The following NOMO2 variants were observed in gnomAD, a reference collection of about 807,000 sequenced individuals.
The protein encoded by NOMO2 is NODAL modulator 2, also known as BOS complex subunit NOMO2.
In NOMO2, 14 loss-of-function variants were observed where a neutral mutation model predicts 67.1. The observed-to-expected ratio is 0.21, with a 90% CI of 0.14 to 0.33. The LOEUF (loss-of-function observed/expected upper bound fraction) is 0.33, where lower values mean the gene tolerates loss of function less well. Ranked by LOEUF, NOMO2 falls within the 10% of genes least tolerant of loss-of-function variation. The probability of loss-of-function intolerance (pLI) is 1.00; values close to 1 mark genes in which losing one functional copy is unlikely to be tolerated. For synonymous variants in NOMO2, 80 were observed against 305.9 expected (o/e 0.26, Z 7.71); for missense variants, 178 against 761.0 (o/e 0.23, Z 9.01).
chr16:18,561,173 T>TAAAAAAA lies in NOMO2; in HGVS notation c.165+696_165+702dup, dbSNP rs756246897. On this transcript the variant is annotated intron_variant, in intron 1 of 30. Coordinates refer to ENST00000622306, the MANE Select transcript of NOMO2 (RefSeq NM_173614.4). ...ATTTAACAGGACTTTACAACTTAATTAAAAAAAAAAAAAAAAAAAAAAAAA... is the reference window on the plus strand; with the variant it reads ...ATTTAACAGGACTTTACAACTTAATTAAAAAAAAAAAAAAAAAAAAAAAAAAAAAAAA... Among the ~76,000 whole-genome samples the TAAAAAAA allele has an allele frequency of 3.6e-3, 116 of 32,426 alleles. 8 individuals carry two copies. The highest frequency in any genetic ancestry group is 6.5e-3 in the African/African-American group (53 of 8,108). 21.3% of individuals were successfully genotyped at this position (32,426 alleles called of 152,430 possible).
intron 5 of NOMO2, 33 bp downstream of exon 5, chr16:18,549,485 CTCT>C: frequency 2.6e-6 from 2 of 769,134 alleles, no homozygotes; most frequent in Non-Finnish European, 4.3e-6. Context: ...CAGAGCCCGG[CTCT>C]AAGGCAACAC....
At chr16:18,529,437 G>A in intron 15 of NOMO2, 64 bp downstream of exon 15, 1 of 1,611,520 alleles carries the variant, frequency 6.2e-7, no homozygotes, top group Non-Finnish European at 8.5e-7. Flanking sequence ...TGGGATGTTA[G>A]TCTTTCTTGA....
chr16:18,529,495 A>G lies in NOMO2; in HGVS notation c.1806+6T>C, dbSNP rs1179220731. 1 of 1,611,232 alleles carries G rather than the reference A, an allele frequency of 6.2e-7. No homozygotes were observed. The highest frequency in any genetic ancestry group is 2.2e-5 in the East Asian group (1 of 44,848). On this transcript the variant is annotated splice_donor_region_variant and intron_variant, in intron 15 of 30. Transcript: ENST00000622306. Reference sequence around the variant, plus strand: ...CCAAATAAGAGACTCCATAAGCCGTACATACCAGAGTGATGGCGTGAGACA... The same window carrying G: ...CCAAATAAGAGACTCCATAAGCCGTGCATACCAGAGTGATGGCGTGAGACA...
In NOMO2 at chr16:18,533,168, C is replaced by T. The variant is rs1901343388; in HGVS notation, c.1232G>A (p.Cys411Tyr). ...GAAGCGAATGATTGATATCCGACCA[C>T]AGACACTGAACCTGCAAAGAGAAGA... ...ADIVATGFSV[C>Y]GRISIIRFPD... The change falls in exon 12 of 31, where the codon TGT (cysteine) becomes TAT (tyrosine). Residue 411 changes from cysteine to tyrosine, a missense_variant. Cys to Tyr is a radical substitution (Grantham distance 194). Coordinates refer to ENST00000622306, the MANE Select transcript of NOMO2 (RefSeq NM_173614.4). 6.2e-7 allele frequency: 1 copy of T among 1,611,350 alleles called. No homozygotes were observed. Among genetic ancestry groups the T allele is most frequent in the African/African-American group, 1.3e-5 (1 of 74,760 alleles).
intron 15 of NOMO2, among the ~76,000 whole-genome samples, chr16:18,528,623 G>T (rs959380241): frequency 5.9e-5 from 9 of 151,778 alleles, no homozygotes; most frequent in Non-Finnish European, 1.0e-4. Flanking sequence ...AAGAAGCTAA[G>T]ATCCTGTTTA....
At chr16:18,550,724 T>C (rs1037835935) in intron 4 of NOMO2, among the ~76,000 whole-genome samples, 6 of 152,074 alleles carry the variant, frequency 3.9e-5, no homozygotes, top group Admixed American at 2.0e-4. Flanking sequence ...GGAATCCTCC[T>C]AGGTAAGTGT....
chr16:18,561,066 T>G (rs1201015764), intron 1 of NOMO2, among the ~76,000 whole-genome samples: 1 of 146,696 alleles, frequency 6.8e-6, no homozygotes, highest in Non-Finnish European at 1.5e-5. Flanking sequence ...CCGGGACAAA[T>G]GACATTCTGC....
chr16:18,552,958 C>T (rs1321912061), intron 3 of NOMO2, among the ~76,000 whole-genome samples: 1 of 152,008 alleles, frequency 6.6e-6, no homozygotes, highest in Non-Finnish European at 1.5e-5. Flanking sequence ...GAAGAGATCA[C>T]TGATACAAAA....
intron 15 of NOMO2, chr16:18,529,280 G>A (rs2141718654): frequency 1.6e-6 from 1 of 630,858 alleles, no homozygotes; most frequent in East Asian, 2.8e-5. Context: ...GTCAGATTTA[G>A]TGTAGGGCCA....
intron 12 of NOMO2, 108 bp from the exon 13 acceptor site, chr16:18,531,715 A>G: frequency 2.6e-6 from 4 of 1,557,716 alleles, no homozygotes; most frequent in Non-Finnish European, 3.5e-6. Flanking sequence ...GAGATTTTGA[A>G]GGCCAAAGGT....
intron 3 of NOMO2, among the ~76,000 whole-genome samples, chr16:18,554,289 G>A (rs892141167): frequency 1.3e-4 from 20 of 151,916 alleles, no homozygotes; most frequent in Admixed American, 7.2e-4. Flanking sequence ...ACCCTTGCTC[G>A]ACAGTGAGGA....
chr16:18,532,672 T>C (rs2141722950), intron 12 of NOMO2, among the ~76,000 whole-genome samples: 1 of 78,306 alleles, frequency 1.3e-5, no homozygotes. Flanking sequence ...AGCCACGCAC[T>C]ATGGCCATTT....
intron 15 of NOMO2, 58 bp downstream of exon 15, chr16:18,529,443 C>T: frequency 6.2e-7 from 1 of 1,611,532 alleles, no homozygotes; most frequent in Non-Finnish European, 8.5e-7. Context: ...GTTAGTCTTT[C>T]TTGACATCCA....
In NOMO2 at chr16:18,529,696, C is replaced by G. The variant is rs199753754; in HGVS notation, c.1670-59G>C. 2.5e-4 allele frequency: 317 copies of G among 1,245,612 alleles called. 3 individuals carry two copies. In the East Asian group the frequency reaches 6.7e-3, roughly 26 times the overall value. The allele number at this position is 1,245,612 out of a possible 1,614,324, so 77.2% of individuals were successfully genotyped here. ...GCGTGGAGCACACCACCTCCCTGCA[C>G]GCCACCAGAAACAATGATCATGAAT... On this transcript the variant is annotated intron_variant, in intron 14 of 30. Transcript: ENST00000622306.
At chr16:18,543,162 A>G (rs1259398679) in intron 7 of NOMO2, among the ~76,000 whole-genome samples, 1 of 142,442 alleles carries the variant, frequency 7.0e-6, no homozygotes, top group African/African-American at 2.5e-5. Context: ...GAGTCAACAG[A>G]GACACATGAT....
At chr16:18,544,849 T>C (rs1487412106) in intron 6 of NOMO2, among the ~76,000 whole-genome samples, 2 of 151,806 alleles carry the variant, frequency 1.3e-5, no homozygotes, top group African/African-American at 4.8e-5. Context: ...GCACAGGGCT[T>C]GTCACAAATT....
At position 18,561,173 on chromosome 16, in the gene NOMO2, TAAAA is replaced by T. The variant is rs756246897; in HGVS notation, c.165+699_165+702del. On this transcript the variant is annotated intron_variant, in intron 1 of 30. Coordinates refer to ENST00000622306, the MANE Select transcript of NOMO2 (RefSeq NM_173614.4). ...ATTTAACAGGACTTTACAACTTAAT[TAAAA>T]AAAAAAAAAAAAAAAAAAAAAAAAA... Among the ~76,000 whole-genome samples, 79 of 32,458 alleles carry T rather than the reference TAAAA, an allele frequency of 2.4e-3. 1 individual carries two copies. The highest frequency in any genetic ancestry group is 5.8e-3 in the East Asian group (5 of 864). 21.3% of individuals were successfully genotyped at this position (32,458 alleles called of 152,430 possible).
At chr16:18,533,584 G>A (rs1254263741) in intron 11 of NOMO2, 7 of 178,062 alleles carry the variant, frequency 3.9e-5, no homozygotes, top group Admixed American at 2.8e-4. Flanking sequence ...AGAGCTCTAA[G>A]CTGCCTAAGA....
chr16:18,553,283 A>AATAAAATATAAATATTTT (rs1179910696), intron 3 of NOMO2, among the ~76,000 whole-genome samples: 1 of 151,062 alleles, frequency 6.6e-6, no homozygotes, highest in Non-Finnish European at 1.5e-5. Flanking sequence ...AAAAAAATAA[A>AATAAAATATAAATATTTT]ATAAAATATA....
Sources: gnomAD v4.1 joint callset for allele counts (sites outside exome capture counted in the v4.1 genomes callset) on GRCh38, gnomAD v4.1.1 for gene constraint, MANE v1.5 for transcripts, NCBI Gene and HGNC (gene_info 2026-07-23, HGNC 2026-07-21) for gene names.